The following HTT variants were observed in gnomAD, a reference collection of about 807,000 sequenced individuals.
HTT encodes huntington disease protein.
In HTT, 104 loss-of-function variants were observed where a neutral mutation model predicts 362.3. The ratio of observed to expected loss-of-function variants is 0.29; its 90% confidence interval spans 0.24 to 0.34. The LOEUF (loss-of-function observed/expected upper bound fraction) is 0.34, where lower values mean the gene tolerates loss of function less well. Ranked by LOEUF, HTT falls within the 10% of genes least tolerant of loss-of-function variation. The pLI, the probability that HTT is intolerant of heterozygous loss-of-function variation, is 1.00. For missense variants in HTT, 3,301 were observed against 3,928.6 expected, an observed-to-expected ratio of 0.84 and a Z score of 4.27; for synonymous variants, 1,577 against 1,548.7, an observed-to-expected ratio of 1.02 and a Z score of -0.43.
At position 3,113,094 on chromosome 4, in the gene HTT, A is replaced by C. The variant is rs537382797; in HGVS notation, c.748-2210A>C. ...TTGAAAAGTGGCACTATCTATTCTA[A>C]AATACAGTATGCCTCCTCTGTGTTT... On this transcript the variant is annotated intron_variant, in intron 6 of 66. Transcript: ENST00000355072. 5.3e-5 allele frequency: 41 copies of C among 780,154 alleles called. No individual in the cohort carries two copies. The South Asian group carries it at 2.0e-3, about 39-fold the overall frequency. 48.3% of individuals were successfully genotyped at this position (780,154 alleles called of 1,614,324 possible). A position where few individuals can be genotyped will look rare whatever the true frequency, so the allele number is the denominator to read the frequency against.
At chr4:3,229,775 A>G in intron 59 of HTT, 112 bp from the exon 60 acceptor site, 1 of 1,137,214 alleles carries the variant, frequency 8.8e-7, no homozygotes, top group Non-Finnish European at 1.3e-6. Flanking sequence ...CCCGCACAGT[A>G]ATGTCTCTTG....
intron 2 of HTT, among the ~76,000 whole-genome samples, chr4:3,088,387 C>T (rs201949087): frequency 1.4e-5 from 2 of 148,130 alleles, no homozygotes; most frequent in Non-Finnish European, 3.0e-5. Context: ...GGGGTTTCAC[C>T]GTGGTCTTGA....
chr4:3,117,160 C>T (rs928605729), intron 8 of HTT, among the ~76,000 whole-genome samples: 4 of 152,120 alleles, frequency 2.6e-5, no homozygotes, highest in Non-Finnish European at 5.9e-5. Context: ...AGTATTGGGG[C>T]TGAGAGTTCT....
chr4:3,186,216 A>G (rs895877498), intron 37 of HTT, among the ~76,000 whole-genome samples: 5 of 152,128 alleles, frequency 3.3e-5, no homozygotes, highest in African/African-American at 1.2e-4. Context: ...AAAAAAGTGC[A>G]CACCATCCCA....
At chr4:3,129,760 C>A in intron 12 of HTT, 164 bp from the exon 13 acceptor site, 2 of 721,638 alleles carry the variant, frequency 2.8e-6, no homozygotes, top group Non-Finnish European at 4.6e-6. Flanking sequence ...AAGCTCTTAG[C>A]AGTTTCCATG....
chr4:3,238,976 G>A lies in HTT; in HGVS notation c.9213G>A (p.Ala3071=), dbSNP rs369633799. 3.9e-5 allele frequency: 63 copies of A among 1,603,424 alleles called. No individual in the cohort carries two copies. The Admixed American group carries it at 6.2e-4, about 16-fold the overall frequency. ...VSASTSPWVA[A]ILPHVISRMG... The stretch of plus-strand genomic sequence containing the variant: ...CGTCCACCAGCCCGTGGGTCGCGGC[G>A]ATGTATCCTCTCTGGGTCCCTGGTG... Residue 3071 remains alanine (A), a splice_region_variant and synonymous_variant, in exon 66 of 67, where the codon GCG becomes GCA. Coordinates refer to ENST00000355072, the MANE Select transcript of HTT (RefSeq NM_001388492.1).
intron 19 of HTT, among the ~76,000 whole-genome samples, chr4:3,134,901 T>G (rs2110192092): frequency 6.6e-6 from 1 of 152,204 alleles, no homozygotes; most frequent in East Asian, 1.9e-4. Flanking sequence ...GCTAATATTT[T>G]TTGTAGAAAT....
intron 29 of HTT, among the ~76,000 whole-genome samples, chr4:3,161,962 A>T (rs1717468820): frequency 6.6e-6 from 1 of 152,090 alleles, no homozygotes; most frequent in South Asian, 2.1e-4. Context: ...TTTTGTTGCC[A>T]TTGCTTTTGG....
At chr4:3,090,898 G>A (rs1347859072) in intron 2 of HTT, among the ~76,000 whole-genome samples, 3 of 152,152 alleles carry the variant, frequency 2.0e-5, no homozygotes, top group Admixed American at 6.5e-5. Flanking sequence ...GATCACCTGA[G>A]GTCAAGAGTT....
intron 52 of HTT, among the ~76,000 whole-genome samples, chr4:3,219,698 C>T (rs918913874): frequency 2.0e-5 from 3 of 152,200 alleles, no homozygotes; most frequent in African/African-American, 7.2e-5. Flanking sequence ...ATCAAGCCTG[C>T]CTCTGGATTC....
At chr4:3,148,811 G>A (rs761630259) in intron 26 of HTT, among the ~76,000 whole-genome samples, 1 of 151,410 alleles carries the variant, frequency 6.6e-6, no homozygotes, top group Non-Finnish European at 1.5e-5. Context: ...AAAAAAATTA[G>A]ATGGGCATGG....
chr4:3,085,770 T>A (rs1323360626), intron 1 of HTT, among the ~76,000 whole-genome samples: 2 of 152,210 alleles, frequency 1.3e-5, no homozygotes, highest in Non-Finnish European at 2.9e-5. Context: ...AGTCTTTTAG[T>A]TTAGTTGTTT....
chr4:3,127,186 C>G, intron 11 of HTT, 78 bp from the exon 12 acceptor site: 4 of 1,051,030 alleles, frequency 3.8e-6, no homozygotes, highest in South Asian at 1.4e-5. Flanking sequence ...TGGAACTGTT[C>G]GTTATTTTGC....
In HTT at chr4:3,158,246, G is replaced by C. The variant is rs557826108; in HGVS notation, c.3753+1047G>C. On this transcript the variant is annotated intron_variant, in intron 28 of 66. Transcript: ENST00000355072. Reference sequence around the variant, plus strand: ...AATCCTCCCTCCTTGGCCTCCCAAAGTGCTGGGATTACAGGTGTGAGCAAC... The same window carrying C: ...AATCCTCCCTCCTTGGCCTCCCAAACTGCTGGGATTACAGGTGTGAGCAAC... Among the ~76,000 whole-genome samples the C allele has an allele frequency of 2.0e-5, 3 of 152,340 alleles. No homozygotes were observed. The South Asian group carries it at 6.2e-4, about 32-fold the overall frequency.
At chr4:3,125,915 G>A (rs908615329) in intron 11 of HTT, among the ~76,000 whole-genome samples, 1 of 152,168 alleles carries the variant, frequency 6.6e-6, no homozygotes, top group Non-Finnish European at 1.5e-5. Context: ...ATGGCAGGTC[G>A]AAACATCTCA....
Position 3,132,865 on chromosome 4 carries a change from A to T in HTT, c.2447A>T (p.Lys816Met). 3.7e-6 allele frequency: 6 copies of T among 1,614,186 alleles called. No homozygotes were observed. Among genetic ancestry groups the T allele is most frequent in the Non-Finnish European group, 4.2e-6 (5 of 1,179,984 alleles). The change falls in exon 18 of 67, where the codon AAG becomes ATG. Residue 816 changes from lysine (K) to methionine (M), a missense_variant. Physicochemically the swap from Lys to Met is moderately conservative, Grantham distance 95. This residue lies in a region of HTT where 2,316 missense variants were observed against 2,658.5 expected (regional missense o/e 0.87). Coordinates refer to ENST00000355072, the MANE Select transcript of HTT (RefSeq NM_001388492.1). ...ATTCCTTTGCTGCGGAAAACACTGAAGGATGAGTCTTCTGTTACTTGCAAG... is the reference window on the plus strand; with the variant it reads ...ATTCCTTTGCTGCGGAAAACACTGATGGATGAGTCTTCTGTTACTTGCAAG... ...DCIPLLRKTL[K>M]DESSVTCKLA...
intron 47 of HTT, among the ~76,000 whole-genome samples, chr4:3,211,062 C>G (rs1262077000): frequency 6.6e-6 from 1 of 152,024 alleles, no homozygotes; most frequent in East Asian, 1.9e-4. Flanking sequence ...CACCACCACG[C>G]CCGGCTAATT....
chr4:3,209,678 T>G, intron 46 of HTT, 149 bp from the exon 47 acceptor site: 2 of 854,962 alleles, frequency 2.3e-6, no homozygotes, highest in South Asian at 3.2e-5. Context: ...TGTGGTGTGG[T>G]GAGCCGTATA....
intron 51 of HTT, among the ~76,000 whole-genome samples, chr4:3,216,393 G>C (rs1246596655): frequency 6.6e-6 from 1 of 152,216 alleles, no homozygotes; most frequent in Non-Finnish European, 1.5e-5. Flanking sequence ...GGCACCTCAG[G>C]CTGTGGATCC....
Sources: gnomAD v4.1 joint callset for allele counts (sites outside exome capture counted in the v4.1 genomes callset) on GRCh38, gnomAD v4.1.1 for gene constraint, gnomAD v4.1.1 regional missense constraint, MANE v1.5 for transcripts, NCBI Gene and HGNC (gene_info 2026-07-23, HGNC 2026-07-21) for gene names.